Variants in KCNG3 observed in about 807,000 individuals in gnomAD.
KCNG3 encodes the protein voltage-gated potassium channel regulatory subunit KCNG3.
In KCNG3, 15 loss-of-function variants were observed where a neutral mutation model predicts 29.0. That is an observed-to-expected ratio of 0.52 (90% CI 0.35 to 0.80). The LOEUF (loss-of-function observed/expected upper bound fraction) is 0.80, where lower values mean the gene tolerates loss of function less well. KCNG3 is among the 30% of genes least tolerant of loss of function. The probability of loss-of-function intolerance (pLI) is 0.01; values close to 1 mark genes in which losing one functional copy is unlikely to be tolerated. For missense variants in KCNG3, 512 were observed against 605.7 expected (o/e 0.85, Z 1.62); for synonymous variants, 322 against 248.9 (o/e 1.29, Z -2.76).
intron 1 of KCNG3, among the ~76,000 whole-genome samples, chr2:42,477,972 A>T (rs1419016148): frequency 1.3e-5 from 2 of 152,002 alleles, no homozygotes; most frequent in Non-Finnish European, 2.9e-5. Context: ...AAGGTTCTGG[A>T]TGAGTGAGAG....
downstream of KCNG3, among the ~76,000 whole-genome samples, chr2:42,438,307 A>G (rs1427874169): frequency 2.0e-5 from 3 of 152,220 alleles, no homozygotes; most frequent in African/African-American, 7.2e-5. Context: ...TGTCATGGGC[A>G]GAACTATAGA....
At chr2:42,479,017 T>C (rs1255368334) in intron 1 of KCNG3, among the ~76,000 whole-genome samples, 1 of 151,484 alleles carries the variant, frequency 6.6e-6, no homozygotes, top group East Asian at 1.9e-4. Context: ...GTATCCCAAA[T>C]TCGAAATCCA....
At chr2:42,456,578 C>T (rs1483483738) in intron 1 of KCNG3, among the ~76,000 whole-genome samples, 1 of 152,100 alleles carries the variant, frequency 6.6e-6, no homozygotes, top group African/African-American at 2.4e-5. Flanking sequence ...AGCTCAGAGC[C>T]TTCTATTTAC....
chr2:42,432,036 C>CAAAA, the KCNG3 span, among the ~76,000 whole-genome samples: 1 of 113,650 alleles, frequency 8.8e-6, no homozygotes, highest in Admixed American at 8.7e-5. Context: ...AAGACTCTAT[C>CAAAA]AAAAAAAAAA....
At chr2:42,469,898 T>A in intron 1 of KCNG3, 4 of 282,554 alleles carry the variant, frequency 1.4e-5, no homozygotes, top group Non-Finnish European at 2.6e-5. Context: ...TTGGCTGAAG[T>A]TGACATCTGA....
At chr2:42,474,373 C>G (rs943117228) in intron 1 of KCNG3, among the ~76,000 whole-genome samples, 1 of 151,746 alleles carries the variant, frequency 6.6e-6, no homozygotes. Context: ...ACTAAAAATA[C>G]AAAAATTAGC....
intron 1 of KCNG3, among the ~76,000 whole-genome samples, chr2:42,449,471 GA>G (rs35759764): frequency 5.3e-4 from 66 of 124,446 alleles, no homozygotes; most frequent in East Asian, 1.1e-3. Context: ...TACTATCATT[GA>G]AAAAAAAAAA....
the KCNG3 span, among the ~76,000 whole-genome samples, chr2:42,410,054 G>T: frequency 6.6e-6 from 1 of 151,966 alleles, no homozygotes; most frequent in Non-Finnish European, 1.5e-5. Context: ...ACAAAAGGTG[G>T]CATACTATAT....
intron 1 of KCNG3, among the ~76,000 whole-genome samples, chr2:42,467,965 TGTCTC>T: frequency 6.7e-6 from 1 of 148,694 alleles, no homozygotes. Context: ...AATGAGACCC[TGTCTC>T]AAAAAAAAAA....
intron 1 of KCNG3, among the ~76,000 whole-genome samples, chr2:42,462,925 C>T (rs1056249802): frequency 1.3e-5 from 2 of 152,076 alleles, no homozygotes; most frequent in Non-Finnish European, 2.9e-5. Context: ...ACCAAATTCC[C>T]CCCAAGTCTA....
At chr2:42,461,665 T>C (rs1252052779) in intron 1 of KCNG3, among the ~76,000 whole-genome samples, 1 of 152,152 alleles carries the variant, frequency 6.6e-6, no homozygotes, top group Non-Finnish European at 1.5e-5. Context: ...TTTCTGCACC[T>C]TCACCACCAC....
chr2:42,405,574 G>C, the KCNG3 span, among the ~76,000 whole-genome samples: 1 of 151,548 alleles, frequency 6.6e-6, no homozygotes, highest in East Asian at 1.9e-4. Context: ...GAATAGCTAA[G>C]ATTACAGGCG....
At chr2:42,419,877 C>T in the KCNG3 span, among the ~76,000 whole-genome samples, 1 of 152,158 alleles carries the variant, frequency 6.6e-6, no homozygotes, top group Admixed American at 6.5e-5. Context: ...CAGAGACTGC[C>T]GGTCAGTCTG....
the KCNG3 span, among the ~76,000 whole-genome samples, chr2:42,432,904 T>C: frequency 6.8e-6 from 1 of 148,052 alleles, no homozygotes; most frequent in African/African-American, 2.5e-5. Context: ...CATTTCTTCA[T>C]TAAAACACAG....
chr2:42,430,931 G>A, the KCNG3 span, among the ~76,000 whole-genome samples: 3 of 151,890 alleles, frequency 2.0e-5, no homozygotes, highest in African/African-American at 7.3e-5. Context: ...CCAACATGGT[G>A]AAACCCTGTC....
chr2:42,399,438 C>G, the KCNG3 span, among the ~76,000 whole-genome samples: 1 of 152,154 alleles, frequency 6.6e-6, no homozygotes, highest in Non-Finnish European at 1.5e-5. Flanking sequence ...AAATAGGGCT[C>G]TTTCAGCTTC....
chr2:42,470,490 T>C (rs886556298), intron 1 of KCNG3, among the ~76,000 whole-genome samples: 17 of 152,174 alleles, frequency 1.1e-4, no homozygotes, highest in Non-Finnish European at 2.2e-4. Flanking sequence ...AGTAAGACCC[T>C]GTTTCTACAA....
the KCNG3 span, chr2:42,388,515 C>G: frequency 3.6e-4 from 55 of 152,328 alleles, no homozygotes; most frequent in African/African-American, 1.1e-3. Context: ...TGTATGTTCT[C>G]ACAGTTGAGT....
chr2:42,419,514 T>C, the KCNG3 span, among the ~76,000 whole-genome samples: 1 of 151,982 alleles, frequency 6.6e-6, no homozygotes, highest in Non-Finnish European at 1.5e-5. Flanking sequence ...AGTGCTGGGA[T>C]TACAGGCGTA....
Sources: gnomAD v4.1 joint callset for allele counts (sites outside exome capture counted in the v4.1 genomes callset) on GRCh38, gnomAD v4.1.1 for gene constraint, MANE v1.5 for transcripts, NCBI Gene and HGNC (gene_info 2026-07-23, HGNC 2026-07-21) for gene names.